The following KAZN variants were observed in gnomAD, a reference collection of about 807,000 sequenced individuals.
KAZN encodes the protein kazrin, periplakin interacting protein, also known as kazrin.
Under a neutral mutation model 87.4 loss-of-function variants are expected in KAZN, and 40 were observed. The ratio of observed to expected loss-of-function variants is 0.46; its 90% CI spans 0.36 to 0.60. The LOEUF is 0.60. Among genes scored for constraint, KAZN ranks in the 20% least tolerant of loss-of-function variants. KAZN has a pLI of 0.00. For missense variants in KAZN, 898 were observed against 1,073.9 expected, an observed-to-expected ratio of 0.84 and a Z score of 2.29; for synonymous variants, 466 against 458.3, an observed-to-expected ratio of 1.02 and a Z score of -0.22.
intron 1 of KAZN, among the ~76,000 whole-genome samples, chr1:14,129,980 T>C (rs1178164959): frequency 6.6e-6 from 1 of 152,174 alleles, no homozygotes; most frequent in Non-Finnish European, 1.5e-5. Flanking sequence ...AGTGAACAAA[T>C]ATAGCCAGCA....
intron 1 of KAZN, among the ~76,000 whole-genome samples, chr1:14,862,592 T>G (rs4661533): frequency 1.3e-5 from 2 of 152,066 alleles, no homozygotes; most frequent in East Asian, 3.9e-4. Context: ...GGAGTGAAGA[T>G]GATTTAAACT....
chr1:14,775,291 T>C (rs1322333770), intron 1 of KAZN, among the ~76,000 whole-genome samples: 8 of 152,344 alleles, frequency 5.3e-5, no homozygotes, highest in African/African-American at 2.4e-5. Flanking sequence ...AGCACAGAAG[T>C]GGCTTTAATA....
At chr1:14,298,688 T>G (rs558483948) in intron 2 of KAZN, among the ~76,000 whole-genome samples, 1 of 152,362 alleles carries the variant, frequency 6.6e-6, no homozygotes, top group African/African-American at 2.4e-5. Context: ...CTTGCTGTTA[T>G]TTCTCTGTAT....
chr1:14,693,192 T>G (rs941222107), intron 1 of KAZN, among the ~76,000 whole-genome samples: 1 of 152,200 alleles, frequency 6.6e-6, no homozygotes, highest in Non-Finnish European at 1.5e-5. Context: ...ACAACTTGGA[T>G]AGGACAAAAG....
chr1:15,045,429 TAAAC>T (rs1052918366), intron 4 of KAZN, among the ~76,000 whole-genome samples: 1 of 152,144 alleles, frequency 6.6e-6, no homozygotes, highest in Non-Finnish European at 1.5e-5. Context: ...AGTTGACCCT[TAAAC>T]AACGCAGGGC....
intron 2 of KAZN, among the ~76,000 whole-genome samples, chr1:14,965,180 G>A (rs941959706): frequency 5.9e-5 from 9 of 151,942 alleles, no homozygotes; most frequent in African/African-American, 1.7e-4. Flanking sequence ...CACCATGCCC[G>A]GCTAATTTTT....
chr1:14,155,606 T>G (rs1254186648), intron 1 of KAZN, among the ~76,000 whole-genome samples: 2 of 152,156 alleles, frequency 1.3e-5, no homozygotes, highest in Admixed American at 1.3e-4. Context: ...TCCAGTTCTT[T>G]AAGATGCACT....
At chr1:14,826,119 G>A (rs16850909) in intron 1 of KAZN, among the ~76,000 whole-genome samples, 1,665 of 152,268 alleles carry the variant, frequency 0.011, 30 homozygotes, top group African/African-American at 0.038. Context: ...CCTGCCCATC[G>A]AGAGCCACAT....
At chr1:13,912,459 G>C (rs1639688248) in intron 1 of KAZN, among the ~76,000 whole-genome samples, 1 of 152,072 alleles carries the variant, frequency 6.6e-6, no homozygotes, top group African/African-American at 2.4e-5. Context: ...GTCCAGGGCT[G>C]GGCTTCTCTT....
intron 1 of KAZN, among the ~76,000 whole-genome samples, chr1:14,149,085 TCC>T: frequency 8.6e-6 from 1 of 116,622 alleles, no homozygotes; most frequent in Non-Finnish European, 1.7e-5. Flanking sequence ...CTTCCTTCCT[TCC>T]TTCCTTTCTT....
chr1:14,282,910 T>C (rs1316912808), intron 2 of KAZN, among the ~76,000 whole-genome samples: 3 of 152,126 alleles, frequency 2.0e-5, no homozygotes, highest in African/African-American at 7.2e-5. Flanking sequence ...CGAGAGAGGA[T>C]CACCTTGCAA....
At chr1:14,167,280 A>C (rs1412949894) in intron 1 of KAZN, among the ~76,000 whole-genome samples, 1 of 152,082 alleles carries the variant, frequency 6.6e-6, no homozygotes, top group Non-Finnish European at 1.5e-5. Context: ...TCCATATTTC[A>C]TTGTGTCTTG....
At chr1:14,390,653 G>C (rs1662340118) in intron 2 of KAZN, 1 of 152,424 alleles carries the variant, frequency 6.6e-6, no homozygotes, top group Non-Finnish European at 1.5e-5. Flanking sequence ...CTTGAGACTG[G>C]GTGATTTTTA....
intron 2 of KAZN, among the ~76,000 whole-genome samples, chr1:14,470,215 G>GAAAAACAGA (rs1668380209): frequency 6.6e-6 from 1 of 151,188 alleles, no homozygotes; most frequent in African/African-American, 2.5e-5. Context: ...TGAAAAACAG[G>GAAAAACAGA]AAATATAGAT....
intron 1 of KAZN, among the ~76,000 whole-genome samples, chr1:14,958,881 G>A (rs1419825099): frequency 6.6e-6 from 1 of 152,178 alleles, no homozygotes; most frequent in Non-Finnish European, 1.5e-5. Context: ...GGGACGGCCA[G>A]GTGGCCAGCG....
chr1:14,934,361 C>T (rs1241352880), intron 1 of KAZN, among the ~76,000 whole-genome samples: 1 of 151,390 alleles, frequency 6.6e-6, no homozygotes. Context: ...CGCCTGCCAC[C>T]ACGCCCGGCT....
chr1:14,155,960 T>G (rs1330290531), intron 1 of KAZN, among the ~76,000 whole-genome samples: 6 of 152,078 alleles, frequency 3.9e-5, no homozygotes, highest in African/African-American at 1.5e-4. Context: ...TCTCTTTTGA[T>G]GTTGGCACTT....
chr1:14,484,162 C>T (rs1371850036), intron 2 of KAZN, among the ~76,000 whole-genome samples: 1 of 152,160 alleles, frequency 6.6e-6, no homozygotes, highest in Admixed American at 6.5e-5. Context: ...TTTAATTACT[C>T]TAGCTTTGTA....
chr1:15,008,604 A>G (rs1232921042), intron 2 of KAZN, among the ~76,000 whole-genome samples: 1 of 152,216 alleles, frequency 6.6e-6, no homozygotes, highest in African/African-American at 2.4e-5. Flanking sequence ...GGCAGGTTCA[A>G]AGGCCAGAGG....
Sources: allele counts gnomAD v4.1 joint callset (sites outside exome capture counted in the v4.1 genomes callset), GRCh38; gene constraint gnomAD v4.1.1; transcripts MANE v1.5; gene names NCBI Gene and HGNC (gene_info 2026-07-23, HGNC 2026-07-21).